EEIG1: variants seen among roughly 807,000 people sequenced by gnomAD.
EEIG1 encodes estrogen-induced osteoclastogenesis regulator 1, also known as early estrogen-induced gene 1 protein.
chr9:127,958,577 A>C, the EEIG1 span, among the ~76,000 whole-genome samples: 6 of 152,072 alleles, frequency 3.9e-5, no homozygotes, highest in Non-Finnish European at 7.4e-5. Context: ...AGGCAAGAGG[A>C]TGACCTGAGC....
the EEIG1 span, among the ~76,000 whole-genome samples, chr9:127,977,938 G>A: frequency 6.6e-6 from 1 of 152,198 alleles, no homozygotes; most frequent in Non-Finnish European, 1.5e-5. Flanking sequence ...TGCAATCAGA[G>A]AGCTTAGGTA....
the EEIG1 span, among the ~76,000 whole-genome samples, chr9:127,971,473 C>T: frequency 6.7e-6 from 1 of 149,992 alleles, no homozygotes; most frequent in African/African-American, 2.5e-5. Context: ...TGGAGGCACC[C>T]AGCTGTCCCG....
the EEIG1 span, chr9:127,980,327 C>T: frequency 2.8e-5 from 16 of 562,542 alleles, no homozygotes; most frequent in Non-Finnish European, 4.6e-5. Context: ...CGCGGGCCGG[C>T]GGGCTTCACC....
chr9:127,945,334 G>A, the EEIG1 span: 2 of 1,517,342 alleles, frequency 1.3e-6, no homozygotes, highest in East Asian at 2.4e-5. This position sits in a 1 kb window ranked among gnomAD's most constrained non-coding sequence, Gnocchi z 6.5. Context: ...GGAGAGGTCT[G>A]TTCTCCAGGG....
At chr9:127,950,300 G>C in the EEIG1 span, 3 of 961,578 alleles carry the variant, frequency 3.1e-6, no homozygotes, top group East Asian at 7.8e-5. Flanking sequence ...GCCCCTTCCC[G>C]ATGTCTACCT....
the EEIG1 span, among the ~76,000 whole-genome samples, chr9:127,965,870 C>T: frequency 6.6e-6 from 1 of 152,246 alleles, no homozygotes; most frequent in Non-Finnish European, 1.5e-5. Context: ...TGGCTCCTGC[C>T]AGGGGTTCAG....
the EEIG1 span, chr9:127,941,015 A>G: frequency 6.6e-6 from 1 of 152,202 alleles, no homozygotes; most frequent in Non-Finnish European, 1.5e-5. Context: ...CTCTCAATAT[A>G]TAGAATTTGA....
chr9:127,953,528 G>A, the EEIG1 span: 1 of 1,585,724 alleles, frequency 6.3e-7, no homozygotes, highest in Non-Finnish European at 8.7e-7. Flanking sequence ...CCTGTCCCAT[G>A]CCACCCCCCA....
At chr9:127,957,240 A>G in the EEIG1 span, among the ~76,000 whole-genome samples, 1 of 149,968 alleles carries the variant, frequency 6.7e-6, no homozygotes, top group Non-Finnish European at 1.5e-5. Context: ...AAACAAACAA[A>G]GAACAAAAAT....
chr9:127,979,049 C>CT, the EEIG1 span, among the ~76,000 whole-genome samples: 1 of 152,034 alleles, frequency 6.6e-6, no homozygotes, highest in South Asian at 2.1e-4. Flanking sequence ...AGACAGGAAT[C>CT]TAAGTCGTCC....
the EEIG1 span, chr9:127,943,352 T>C: frequency 8.9e-6 from 9 of 1,012,226 alleles, no homozygotes; most frequent in Non-Finnish European, 1.4e-5. Context: ...CAGCCCTGTG[T>C]TGCAAAGGGG....
At chr9:127,950,568 G>A in the EEIG1 span, 3 of 1,607,460 alleles carry the variant, frequency 1.9e-6, no homozygotes, top group Non-Finnish European at 1.7e-6. Context: ...GTGTGGGAGG[G>A]CTGAGGGAGT....
At chr9:127,952,099 T>C in the EEIG1 span, among the ~76,000 whole-genome samples, 2 of 152,360 alleles carry the variant, frequency 1.3e-5, no homozygotes, top group Non-Finnish European at 2.9e-5. Flanking sequence ...TCCCAGGTGT[T>C]TGCTGGTAAT....
chr9:127,970,030 C>G, the EEIG1 span, among the ~76,000 whole-genome samples: 14 of 152,306 alleles, frequency 9.2e-5, no homozygotes, highest in Admixed American at 2.0e-4. Flanking sequence ...CCAGAAGGTC[C>G]TTCCAGACAT....
chr9:127,948,549 G>T, the EEIG1 span: 2 of 860,422 alleles, frequency 2.3e-6, no homozygotes, highest in Non-Finnish European at 3.7e-6. Context: ...CTCCTGGCTT[G>T]GGGGCTCTGG....
At chr9:127,955,238 C>T in the EEIG1 span, among the ~76,000 whole-genome samples, 2 of 152,220 alleles carry the variant, frequency 1.3e-5, no homozygotes, top group African/African-American at 4.8e-5. Context: ...GCCAAGCCTC[C>T]CCTGAGCATC....
the EEIG1 span, among the ~76,000 whole-genome samples, chr9:127,949,311 CAAAAAAAAAAA>C: frequency 1.1e-5 from 1 of 90,160 alleles, no homozygotes; most frequent in African/African-American, 4.8e-5. Context: ...GACTCTGTCT[CAAAAAAAAAAA>C]AAAAAAAAAA....
the EEIG1 span, among the ~76,000 whole-genome samples, chr9:127,971,501 C>T: frequency 6.6e-6 from 1 of 150,634 alleles, no homozygotes; most frequent in South Asian, 2.1e-4. Context: ...GTGAGGGCTG[C>T]TCCTGACACA....
the EEIG1 span, chr9:127,943,256 T>C: frequency 1.1e-4 from 172 of 1,613,720 alleles, no homozygotes; most frequent in East Asian, 3.4e-3. Context: ...GAGAGACAGG[T>C]CAGCATGTCC....
Sources: allele counts gnomAD v4.1 joint callset (sites outside exome capture counted in the v4.1 genomes callset), GRCh38; gene constraint gnomAD v4.1.1; non-coding constraint Gnocchi (gnomAD v3.1); transcripts MANE v1.5; gene names NCBI Gene and HGNC (gene_info 2026-07-23, HGNC 2026-07-21).